Variants in EXOC6B observed in about 807,000 individuals in gnomAD.
EXOC6B encodes the protein exocyst complex component 6B.
A neutral mutation model predicts 113.5 loss-of-function variants in EXOC6B; 54 were observed. The ratio of observed to expected loss-of-function variants is 0.48; its 90% CI spans 0.38 to 0.60. The LOEUF (loss-of-function observed/expected upper bound fraction) is 0.60. EXOC6B is among the 20% of genes least tolerant of loss of function. The pLI is 0.00. For synonymous variants in EXOC6B, 357 were observed against 339.0 expected (o/e 1.05, Z -0.58); for missense variants, 797 against 977.5 (o/e 0.82, Z 2.46).
chr2:72,637,673 C>G (rs1672945300), intron 6 of EXOC6B, among the ~76,000 whole-genome samples: 1 of 151,950 alleles, frequency 6.6e-6, no homozygotes, highest in South Asian at 2.1e-4. Context: ...GCCTTTAGTC[C>G]CAGCTACTGG....
intron 20 of EXOC6B, among the ~76,000 whole-genome samples, chr2:72,266,258 A>C (rs1573127991): frequency 1.3e-5 from 2 of 150,550 alleles, no homozygotes; most frequent in African/African-American, 4.8e-5. Context: ...CTTTAGTTTA[A>C]TGAGATCCCA....
At chr2:72,193,946 T>C (rs555244674) in intron 20 of EXOC6B, among the ~76,000 whole-genome samples, 41 of 152,230 alleles carry the variant, frequency 2.7e-4, no homozygotes, top group Admixed American at 7.9e-4. Context: ...TTGATTTACA[T>C]AATTATCTAT....
intron 6 of EXOC6B, among the ~76,000 whole-genome samples, chr2:72,612,009 G>A (rs975666378): frequency 6.6e-5 from 10 of 152,202 alleles, no homozygotes; most frequent in African/African-American, 1.9e-4. Flanking sequence ...GGGGCCAGGC[G>A]TGGTGGCCCA....
Position 72,228,864 on chromosome 2 carries a change from C to T in EXOC6B, c.2197-44677G>A, listed in dbSNP as rs563297772. 2.5e-3 allele frequency among the ~76,000 whole-genome samples: 385 copies of T among 152,116 alleles called. 1 individual carries two copies. Among genetic ancestry groups the T allele is most frequent in the African/African-American group, 8.6e-3 (358 of 41,516 alleles). On this transcript the variant is annotated intron_variant, in intron 20 of 21. Coordinates refer to ENST00000272427, the MANE Select transcript of EXOC6B (RefSeq NM_015189.3). Reference sequence around the variant, plus strand: ...ACACTGACTTCCACAATGGTTGAACCAGTTTACAGTCCCACCAACAGTGTA... The same window carrying T: ...ACACTGACTTCCACAATGGTTGAACTAGTTTACAGTCCCACCAACAGTGTA...
At chr2:72,208,554 C>T (rs1038517792) in intron 20 of EXOC6B, among the ~76,000 whole-genome samples, 7 of 152,070 alleles carry the variant, frequency 4.6e-5, no homozygotes, top group East Asian at 1.9e-4. Context: ...CAAACAAATG[C>T]GTGTGCCTTT....
At chr2:72,672,885 G>A (rs1360167132) in intron 6 of EXOC6B, among the ~76,000 whole-genome samples, 1 of 152,148 alleles carries the variant, frequency 6.6e-6, no homozygotes, top group Non-Finnish European at 1.5e-5. Flanking sequence ...GTTCAATAGT[G>A]TGACTACATT....
intron 6 of EXOC6B, among the ~76,000 whole-genome samples, chr2:72,632,513 T>G (rs1672538099): frequency 6.6e-6 from 1 of 152,176 alleles, no homozygotes; most frequent in East Asian, 1.9e-4. Flanking sequence ...ATTTTAATAT[T>G]TTTTAAAACC....
chr2:72,269,090 T>G (rs905022086), intron 20 of EXOC6B, among the ~76,000 whole-genome samples: 2 of 152,128 alleles, frequency 1.3e-5, no homozygotes, highest in African/African-American at 4.8e-5. Context: ...AACACGATGT[T>G]ATATATATTA....
At chr2:72,622,797 T>G (rs1229187129) in intron 6 of EXOC6B, among the ~76,000 whole-genome samples, 14 of 152,078 alleles carry the variant, frequency 9.2e-5, no homozygotes, top group Non-Finnish European at 1.5e-4. Flanking sequence ...TACAAATAAA[T>G]AACATAATGT....
intron 17 of EXOC6B, among the ~76,000 whole-genome samples, chr2:72,465,764 G>T (rs1698009205): frequency 6.6e-6 from 1 of 152,144 alleles, no homozygotes; most frequent in Non-Finnish European, 1.5e-5. Context: ...AGTAAGTTAT[G>T]AAGTACCTGC....
chr2:72,355,920 T>C (rs897080759), intron 19 of EXOC6B, among the ~76,000 whole-genome samples: 5 of 152,204 alleles, frequency 3.3e-5, no homozygotes, highest in Non-Finnish European at 7.4e-5. Flanking sequence ...TTCCTCCATT[T>C]GTCTCTCTTT....
chr2:72,525,529 A>C (rs1000737635), intron 8 of EXOC6B, among the ~76,000 whole-genome samples: 1 of 152,246 alleles, frequency 6.6e-6, no homozygotes, highest in Middle Eastern at 3.4e-3. Flanking sequence ...CTCAATGATG[A>C]AGGTTAATTC....
chr2:72,806,637 A>G (rs1474434096), intron 1 of EXOC6B, among the ~76,000 whole-genome samples: 2 of 152,238 alleles, frequency 1.3e-5, no homozygotes. Context: ...GATCTAATTT[A>G]CATTCCCACC....
intron 6 of EXOC6B, among the ~76,000 whole-genome samples, chr2:72,668,551 T>A (rs907966200): frequency 1.3e-5 from 2 of 150,962 alleles, no homozygotes; most frequent in African/African-American, 4.9e-5. Context: ...ATAAAGAAAA[T>A]ATGGTACATA....
intron 18 of EXOC6B, among the ~76,000 whole-genome samples, chr2:72,394,322 T>A (rs1692585442): frequency 6.6e-6 from 1 of 152,140 alleles, no homozygotes; most frequent in Non-Finnish European, 1.5e-5. Flanking sequence ...GAAAATGTAT[T>A]TCCTGTTCTG....
intron 8 of EXOC6B, among the ~76,000 whole-genome samples, chr2:72,521,878 A>G (rs1701507127): frequency 6.6e-6 from 1 of 152,090 alleles, no homozygotes; most frequent in Non-Finnish European, 1.5e-5. Context: ...TTGTATTTTC[A>G]GTAGAGACAA....
intron 16 of EXOC6B, among the ~76,000 whole-genome samples, 180 bp downstream of exon 16, chr2:72,492,138 T>A (rs550632651): frequency 6.6e-6 from 1 of 152,048 alleles, no homozygotes; most frequent in East Asian, 1.9e-4. Flanking sequence ...TAGAAAAAAA[T>A]AAATAAATTT....
intron 20 of EXOC6B, among the ~76,000 whole-genome samples, chr2:72,209,916 T>C (rs571548198): frequency 6.6e-6 from 1 of 152,218 alleles, no homozygotes; most frequent in Non-Finnish European, 1.5e-5. Context: ...GTATTTAAAT[T>C]TGGTCCTCAG....
rs367697091 is a variant in EXOC6B at position 72,637,477 on chromosome 2, A to C, written c.670-61809T>G. Among the ~76,000 whole-genome samples the C allele has an allele frequency of 1.2e-4, 18 of 152,332 alleles. No homozygotes were observed. The East Asian group carries it at 1.9e-3, about 16-fold the overall frequency. ...CATTTAAAAGTGGGCAAAGGACATG[A>C]ACAGAACCTATCCAAAGGTCTCATA... On this transcript the variant is annotated intron_variant, in intron 6 of 21. Transcript: ENST00000272427.
Sources: allele counts gnomAD v4.1 joint callset (sites outside exome capture counted in the v4.1 genomes callset), GRCh38; gene constraint gnomAD v4.1.1; transcripts MANE v1.5; gene names NCBI Gene and HGNC (gene_info 2026-07-23, HGNC 2026-07-21).